The following TUBGCP3 variants were observed in gnomAD, a reference collection of about 807,000 sequenced individuals.
TUBGCP3 encodes gamma-tubulin complex component 3.
Under a neutral mutation model 123.1 loss-of-function variants are expected in TUBGCP3, and 50 were observed. The ratio of observed to expected loss-of-function variants is 0.41; its 90% CI spans 0.32 to 0.51. TUBGCP3 has a LOEUF of 0.51. Among genes scored for constraint, TUBGCP3 ranks in the 20% least tolerant of loss-of-function variants. The probability of loss-of-function intolerance (pLI) is 0.36; values close to 1 mark genes in which losing one functional copy is unlikely to be tolerated. For synonymous variants in TUBGCP3, 405 were observed against 413.9 expected (o/e 0.98, Z 0.26); for missense variants, 882 against 1,127.0 (o/e 0.78, Z 3.11).
chr13:112,527,229 T>G, intron 12 of TUBGCP3, 145 bp downstream of exon 12: 1 of 717,306 alleles, frequency 1.4e-6, no homozygotes, highest in Non-Finnish European at 2.3e-6. Context: ...TACTGATGTA[T>G]TCAATTAACA....
At chr13:112,550,910 A>G (rs1879517379) in intron 8 of TUBGCP3, among the ~76,000 whole-genome samples, 1 of 152,196 alleles carries the variant, frequency 6.6e-6, no homozygotes, top group Non-Finnish European at 1.5e-5. Flanking sequence ...CATCCTGGCT[A>G]ACACAGTGAA....
chr13:112,559,699 AAAT>A (rs1566578705), intron 3 of TUBGCP3, among the ~76,000 whole-genome samples: 1 of 152,250 alleles, frequency 6.6e-6, no homozygotes, highest in Non-Finnish European at 1.5e-5. Flanking sequence ...GTCTCCCCTG[AAAT>A]AATTCTTATA....
chr13:112,554,036 T>A, intron 8 of TUBGCP3, 21 bp downstream of exon 8: 1 of 1,605,148 alleles, frequency 6.2e-7, no homozygotes, highest in Non-Finnish European at 8.5e-7. Flanking sequence ...CATCCCAGCA[T>A]CCTAGGAACC....
intron 3 of TUBGCP3, among the ~76,000 whole-genome samples, chr13:112,560,678 T>C (rs1880444435): frequency 6.6e-6 from 1 of 152,228 alleles, no homozygotes; most frequent in South Asian, 2.1e-4. Flanking sequence ...ATGTAAACTC[T>C]CCATTATATA....
intron 18 of TUBGCP3, 88 bp from the exon 19 acceptor site, chr13:112,504,251 G>A (rs1165353177): frequency 6.6e-7 from 1 of 1,518,312 alleles, no homozygotes; most frequent in African/African-American, 1.4e-5. Context: ...CCTATGGGAG[G>A]CCGAGGCGGG....
At position 112,547,770 on chromosome 13, in the gene TUBGCP3, T is replaced by C. The variant is rs1393091554; in HGVS notation, c.1036-18A>G. The C allele has an allele frequency of 5.6e-6, 8 of 1,439,212 alleles. No homozygotes were observed. Among genetic ancestry groups the C allele is most frequent in the Non-Finnish European group, 7.3e-6 (8 of 1,092,362 alleles). The allele number at this position is 1,439,212 out of a possible 1,614,324, so 89.2% of individuals were successfully genotyped here. On this transcript the variant is annotated intron_variant, in intron 9 of 21. Transcript: ENST00000261965. The stretch of plus-strand genomic sequence containing the variant: ...AGTTGTAGCTAAAAAACAATAAAGA[T>C]AGAAATGTTTAAGTACAAATAACCA...
chr13:112,560,044 G>T (rs891202326), intron 3 of TUBGCP3, among the ~76,000 whole-genome samples: 10 of 150,352 alleles, frequency 6.7e-5, no homozygotes, highest in Non-Finnish European at 1.0e-4. Context: ...TGAGACACGA[G>T]AATCACTTGA....
chr13:112,524,025 A>C lies in TUBGCP3; in HGVS notation c.1556-1516T>G, dbSNP rs1161032614. On this transcript the variant is annotated intron_variant, in intron 13 of 21. Transcript: ENST00000261965. The surrounding 1 kb of genome is among the most constrained non-coding windows in gnomAD (Gnocchi z 4.4). ...CGACGGGGACCACAGGAGTCGTCAC[A>C]GAGAAGCAGCAGCGTCAGCAGCAGC... is the stretch of plus-strand genomic sequence containing the variant. Among the ~76,000 whole-genome samples the C allele has an allele frequency of 6.6e-6, 1 of 152,194 alleles. No homozygotes were observed. The highest frequency in any genetic ancestry group is 2.4e-5 in the African/African-American group (1 of 41,458).
chr13:112,487,733 TATGAA>T (rs1879775290), intron 21 of TUBGCP3, among the ~76,000 whole-genome samples: 1 of 152,152 alleles, frequency 6.6e-6, no homozygotes. Context: ...TACCCCCTTT[TATGAA>T]ACTTCAACAA....
chr13:112,539,765 AC>A (rs1377772655), intron 11 of TUBGCP3, among the ~76,000 whole-genome samples: 1 of 152,248 alleles, frequency 6.6e-6, no homozygotes, highest in Non-Finnish European at 1.5e-5. Context: ...CCTGGGAATG[AC>A]GACATCAATG....
rs942973573 is a variant in TUBGCP3, at chr13:112,548,126, G to C, written c.1017C>G (p.Leu339=). 22 of 1,601,198 alleles carry C rather than the reference G, an allele frequency of 1.4e-5. No homozygotes were observed. Among genetic ancestry groups the C allele is most frequent in the Non-Finnish European group, 1.6e-5 (19 of 1,172,778 alleles). ...HQELREYYRL[L]SVLHSQLQLE... ...TATTTACCTGAGAATGTAAAACAGA[G>C]AGCAATCGATAGTATTCTCTGAGTT... Residue 339 remains leucine (L), a synonymous_variant, in exon 9 of 22, where the codon CTC becomes CTG. Coordinates refer to ENST00000261965, the MANE Select transcript of TUBGCP3 (RefSeq NM_006322.6).
At chr13:112,599,299 C>T in the TUBGCP3 span, among the ~76,000 whole-genome samples, 4 of 152,136 alleles carry the variant, frequency 2.6e-5, no homozygotes, top group South Asian at 6.2e-4. Flanking sequence ...CAAGTCATTA[C>T]GCAGCACACA....
intron 20 of TUBGCP3, among the ~76,000 whole-genome samples, chr13:112,497,161 T>C (rs146581899): frequency 2.6e-3 from 398 of 152,320 alleles, no homozygotes; most frequent in African/African-American, 8.9e-3. Context: ...TAAGTGACTC[T>C]GTGAGGTCAT....
At position 112,555,023 on chromosome 13, in the gene TUBGCP3, AAAGACAGT is replaced by A; in HGVS notation, c.722-26_722-19del. ...CATAGTACCTGCAAAATCATTTTTTAAAGACAGTAATTACTAGACAATATTTTAACAGA... is the reference window on the plus strand; with the variant it reads ...CATAGTACCTGCAAAATCATTTTTTAAATTACTAGACAATATTTTAACAGA... On this transcript the variant is annotated intron_variant, in intron 6 of 21. Coordinates refer to ENST00000261965, the MANE Select transcript of TUBGCP3 (RefSeq NM_006322.6). The A allele has an allele frequency of 1.4e-6, 2 of 1,477,412 alleles. No individual in the cohort carries two copies. Among genetic ancestry groups the A allele is most frequent in the Middle Eastern group, 1.8e-4 (1 of 5,700 alleles). The allele number at this position is 1,477,412 out of a possible 1,614,324, so 91.5% of individuals were successfully genotyped here. A position where few individuals can be genotyped will look rare whatever the true frequency, so the allele number is the denominator to read the frequency against.
At chr13:112,525,763 C>T (rs1298940263) in intron 13 of TUBGCP3, among the ~76,000 whole-genome samples, 1 of 152,186 alleles carries the variant, frequency 6.6e-6, no homozygotes, top group Non-Finnish European at 1.5e-5. Context: ...GGCTCTTCTC[C>T]AAACAAAGCC....
chr13:112,490,791 G>A (rs1880032495), intron 20 of TUBGCP3, among the ~76,000 whole-genome samples: 1 of 152,172 alleles, frequency 6.6e-6, no homozygotes, highest in South Asian at 2.1e-4. Context: ...ACAGTTCACA[G>A]AGCACAAAGC....
Position 112,519,165 on chromosome 13 carries a change from T to C in TUBGCP3, c.1882-122A>G. The stretch of plus-strand genomic sequence containing the variant: ...TTAAAAACTGCTCAACAGTTCTGAG[T>C]GCATCTTCTTGTTAACTTCTACAAC... On this transcript the variant is annotated intron_variant, in intron 15 of 21. Transcript: ENST00000261965. The surrounding 1 kb of genome is among the most constrained non-coding windows in gnomAD (Gnocchi z 6.2). 2 of 739,214 alleles carry C rather than the reference T, an allele frequency of 2.7e-6. No homozygotes were observed. The highest frequency in any genetic ancestry group is 4.8e-6 in the Non-Finnish European group (2 of 420,838). 45.8% of individuals were successfully genotyped at this position (739,214 alleles called of 1,614,324 possible).
chr13:112,547,192 A>G (rs1011709827), intron 10 of TUBGCP3: 1 of 375,076 alleles, frequency 2.7e-6, no homozygotes, highest in Non-Finnish European at 4.7e-6. Flanking sequence ...TAAAGGCAAA[A>G]AGCAAAATGC....
chr13:112,537,120 C>T (rs1365065261), intron 11 of TUBGCP3, among the ~76,000 whole-genome samples: 3 of 133,290 alleles, frequency 2.3e-5, no homozygotes, highest in Admixed American at 7.5e-5. Flanking sequence ...ATGCTTTTAC[C>T]TTTTTCCTTT....
Sources: allele counts gnomAD v4.1 joint callset (sites outside exome capture counted in the v4.1 genomes callset), GRCh38; gene constraint gnomAD v4.1.1; non-coding constraint Gnocchi (gnomAD v3.1); transcripts MANE v1.5; gene names NCBI Gene and HGNC (gene_info 2026-07-23, HGNC 2026-07-21).